The following ACBD6 variants were observed in gnomAD, a reference collection of about 807,000 sequenced individuals.
ACBD6 encodes acyl-CoA-binding domain-containing protein 6.
In ACBD6, 28 loss-of-function variants were observed where a neutral mutation model predicts 37.2. That is an observed-to-expected ratio of 0.75 (90% CI 0.56 to 1.03). The LOEUF is 1.03. Among genes scored for constraint, ACBD6 ranks in the 50% least tolerant of loss-of-function variants. The probability of loss-of-function intolerance (pLI) is 0.00; values close to 1 mark genes in which losing one functional copy is unlikely to be tolerated. For missense variants in ACBD6, 340 were observed against 337.4 expected, an observed-to-expected ratio of 1.01 and a Z score of -0.06; for synonymous variants, 113 against 126.8, an observed-to-expected ratio of 0.89 and a Z score of 0.73.
intron 4 of ACBD6, among the ~76,000 whole-genome samples, chr1:180,416,990 T>C (rs16855995): frequency 0.02 from 3,010 of 152,254 alleles, 114 homozygotes; most frequent in Admixed American, 0.052. Flanking sequence ...AAATCAGATA[T>C]AAAACACAGT....
At chr1:180,330,795 G>A (rs1651453150) in intron 6 of ACBD6, among the ~76,000 whole-genome samples, 1 of 152,180 alleles carries the variant, frequency 6.6e-6, no homozygotes, top group Non-Finnish European at 1.5e-5. Context: ...GAGAGGAATT[G>A]GAGTAAAATA....
chr1:180,464,886 T>A (rs1380812841), intron 3 of ACBD6, among the ~76,000 whole-genome samples: 1 of 152,054 alleles, frequency 6.6e-6, no homozygotes, highest in East Asian at 1.9e-4. Flanking sequence ...AGGCCTCATA[T>A]CTATGACCAA....
chr1:180,440,708 T>A (rs1403115610), intron 3 of ACBD6, among the ~76,000 whole-genome samples: 4 of 150,704 alleles, frequency 2.7e-5, no homozygotes, highest in African/African-American at 9.7e-5. Context: ...TCACTCCCCA[T>A]TCCCCTCTCC....
rs1553296138 is a variant in ACBD6, at chr1:180,347,360, G to GTGTTT, written c.664-32639_664-32638insAAACA. 3.3e-3 allele frequency among the ~76,000 whole-genome samples: 163 copies of GTGTTT among 49,068 alleles called. 9 individuals carry two copies. The highest frequency in any genetic ancestry group is 4.7e-3 in the Non-Finnish European group (86 of 18,402). 32.2% of individuals were successfully genotyped at this position (49,068 alleles called of 152,430 possible). On this transcript the variant is annotated intron_variant, in intron 6 of 7. Coordinates refer to ENST00000367595, the MANE Select transcript of ACBD6 (RefSeq NM_032360.4). ...CAAACACTTAATTTTTCAACAGAAAGTTTTTTTTTTTTTTTTTTTTTTGAG... is the reference window on the plus strand; with the variant it reads ...CAAACACTTAATTTTTCAACAGAAAGTGTTTTTTTTTTTTTTTTTTTTTTTTTGAG...
chr1:180,430,085 G>T (rs1648752998), intron 4 of ACBD6, 95 bp downstream of exon 4: 1 of 1,023,820 alleles, frequency 9.8e-7, no homozygotes, highest in Admixed American at 1.9e-5. Context: ...AAAATATATA[G>T]TACACATATA....
chr1:180,370,561 G>C (rs1653224536), intron 6 of ACBD6, among the ~76,000 whole-genome samples: 1 of 152,078 alleles, frequency 6.6e-6, no homozygotes, highest in Non-Finnish European at 1.5e-5. Flanking sequence ...AGTAACATTA[G>C]TTAAATATAG....
intron 6 of ACBD6, among the ~76,000 whole-genome samples, chr1:180,387,909 C>T (rs1653905175): frequency 6.6e-6 from 1 of 152,030 alleles, no homozygotes; most frequent in African/African-American, 2.4e-5. Flanking sequence ...GGCACGGTGG[C>T]TCACACCTGT....
At chr1:180,449,613 G>A (rs918341063) in intron 3 of ACBD6, among the ~76,000 whole-genome samples, 4 of 151,784 alleles carry the variant, frequency 2.6e-5, no homozygotes, top group African/African-American at 9.7e-5. Flanking sequence ...TCACCATGTT[G>A]GCCAGGCTGG....
chr1:180,279,427 C>T (rs752777171), intron 9 of ACBD6, among the ~76,000 whole-genome samples: 4 of 151,954 alleles, frequency 2.6e-5, no homozygotes, highest in African/African-American at 9.7e-5. Context: ...CTCCAGAGTA[C>T]GTGGGATTAC....
intron 1 of ACBD6, 96 bp from the exon 2 acceptor site, chr1:180,495,621 G>A: frequency 5.2e-6 from 5 of 959,998 alleles, no homozygotes; most frequent in Non-Finnish European, 8.1e-6. Context: ...AGTAACCATA[G>A]GTTGGAAAAT....
At chr1:180,271,803 C>T (rs1377002947) in exon 14 of ACBD6, 12 of 1,613,000 alleles carry the variant, frequency 7.4e-6, no homozygotes, top group Admixed American at 6.7e-5. Flanking sequence ...GGTGGACGCC[C>T]CCTGAGTATG....
At chr1:180,364,891 G>A (rs958750392) in intron 6 of ACBD6, among the ~76,000 whole-genome samples, 7 of 151,874 alleles carry the variant, frequency 4.6e-5, no homozygotes, top group African/African-American at 9.7e-5. Context: ...GTGCCACAAC[G>A]CCTGGCTAAT....
At chr1:180,272,212 T>A (rs1478162870) in intron 13 of ACBD6, among the ~76,000 whole-genome samples, 1 of 151,958 alleles carries the variant, frequency 6.6e-6, no homozygotes, top group African/African-American at 2.4e-5. Context: ...ATTGCTGAGG[T>A]CTGGAAGCTG....
At chr1:180,489,961 C>T (rs1420239297) in intron 3 of ACBD6, among the ~76,000 whole-genome samples, 1 of 152,126 alleles carries the variant, frequency 6.6e-6, no homozygotes, top group Non-Finnish European at 1.5e-5. Flanking sequence ...GCTTGGCCTG[C>T]AAGCATTTTA....
At chr1:180,355,169 T>A (rs1012689066) in intron 6 of ACBD6, among the ~76,000 whole-genome samples, 8 of 152,220 alleles carry the variant, frequency 5.3e-5, no homozygotes, top group Non-Finnish European at 8.8e-5. Flanking sequence ...AAATAGGTAC[T>A]AAGTTATCTC....
chr1:180,434,374 C>A (rs1410752419), intron 3 of ACBD6, among the ~76,000 whole-genome samples: 3 of 152,204 alleles, frequency 2.0e-5, no homozygotes, highest in Non-Finnish European at 4.4e-5. Context: ...GCAAAGCCAT[C>A]TCTTAAAAGG....
At chr1:180,376,830 T>C (rs1318691371) in intron 6 of ACBD6, among the ~76,000 whole-genome samples, 1 of 152,154 alleles carries the variant, frequency 6.6e-6, no homozygotes, top group Non-Finnish European at 1.5e-5. Flanking sequence ...ATGTTTCAGA[T>C]ACCCCCCAAA....
chr1:180,305,477 T>C (rs758108820), intron 7 of ACBD6, among the ~76,000 whole-genome samples: 10 of 152,192 alleles, frequency 6.6e-5, no homozygotes, highest in Non-Finnish European at 1.3e-4. Context: ...AAGACATTTA[T>C]GCAGCCAAAA....
chr1:180,339,619 CAT>C (rs1160678007), intron 6 of ACBD6, among the ~76,000 whole-genome samples: 3 of 151,992 alleles, frequency 2.0e-5, no homozygotes, highest in Admixed American at 6.6e-5. Flanking sequence ...CAACATGGCA[CAT>C]GTATATATAT....
Sources: gnomAD v4.1 joint callset for allele counts (sites outside exome capture counted in the v4.1 genomes callset) on GRCh38, gnomAD v4.1.1 for gene constraint, MANE v1.5 for transcripts, NCBI Gene and HGNC (gene_info 2026-07-23, HGNC 2026-07-21) for gene names.